The following P2RY6 variants were observed in gnomAD, a reference collection of about 807,000 sequenced individuals.
The protein encoded by P2RY6 is P2Y purinoceptor 6.
P2RY6 carries 19 observed loss-of-function variants against 16.3 expected under a neutral mutation model. The ratio of observed to expected loss-of-function variants is 1.16; its 90% CI spans 0.81 to 1.71. P2RY6 has a LOEUF of 1.71. Among genes scored for constraint, P2RY6 ranks in the 40% most tolerant of loss-of-function variants. The pLI is 0.00. For missense variants in P2RY6, 389 were observed against 455.5 expected, an observed-to-expected ratio of 0.85 and a Z score of 1.33; for synonymous variants, 184 against 201.5, an observed-to-expected ratio of 0.91 and a Z score of 0.74.
At chr11:73,274,534 C>G (rs573361951) in intron 1 of P2RY6, among the ~76,000 whole-genome samples, 1 of 134,036 alleles carries the variant, frequency 7.5e-6, no homozygotes, top group Non-Finnish European at 1.5e-5. Context: ...AAGAGCGAGA[C>G]TGTCTCAAAA....
Position 73,293,348 on chromosome 11 carries a change from G to A in P2RY6, c.-120-2382G>A, listed in dbSNP as rs532949842. ...CAGATAGGACTGGAGGGCTTGGCAGGGGTCTTGAATGTCAGGAAAAGGGTT... is the reference window on the plus strand; with the variant it reads ...CAGATAGGACTGGAGGGCTTGGCAGAGGTCTTGAATGTCAGGAAAAGGGTT... On this transcript the variant is annotated intron_variant, in intron 1 of 2. Coordinates refer to ENST00000540124, the MANE Select transcript of P2RY6 (RefSeq NM_001277204.2). 5.0e-4 allele frequency among the ~76,000 whole-genome samples: 76 copies of A among 152,320 alleles called. No individual in the cohort carries two copies. In the South Asian group the frequency reaches 0.016, roughly 31 times the overall value.
At chr11:73,295,870 C>CAGGGTCTGGGG in intron 2 of P2RY6, 55 bp downstream of exon 2, 2 of 729,430 alleles carry the variant, frequency 2.7e-6, no homozygotes, top group Non-Finnish European at 3.4e-6. Context: ...CTTTTCCGCC[C>CAGGGTCTGGGG]CAGACCCTGG....
chr11:73,294,597 A>G (rs1864400286), intron 1 of P2RY6, among the ~76,000 whole-genome samples: 2 of 152,216 alleles, frequency 1.3e-5, no homozygotes. Context: ...TCCCACAAAG[A>G]ATCTTTGATA....
At chr11:73,290,716 G>A (rs1864208118) in intron 1 of P2RY6, among the ~76,000 whole-genome samples, 1 of 152,268 alleles carries the variant, frequency 6.6e-6, no homozygotes, top group Non-Finnish European at 1.5e-5. Flanking sequence ...CAATGGACAT[G>A]CTTTCTCCAT....
rs567668506 is a variant in P2RY6, at chr11:73,277,366, G to A, written c.-121+4900G>A. ...GCCTCCCAAAGTGCTGGGATTACAG[G>A]CATGAGCTACTGGGCCCAGCTAGAA... On this transcript the variant is annotated intron_variant, in intron 1 of 2. Transcript: ENST00000540124. Among the ~76,000 whole-genome samples the A allele has an allele frequency of 5.4e-5, 7 of 129,840 alleles. No individual in the cohort carries two copies. The East Asian group carries it at 1.4e-3, about 25-fold the overall frequency. 85.2% of individuals were successfully genotyped at this position (129,840 alleles called of 152,430 possible).
At chr11:73,292,263 T>A (rs1435742723) in intron 1 of P2RY6, among the ~76,000 whole-genome samples, 1 of 152,116 alleles carries the variant, frequency 6.6e-6, no homozygotes, top group Non-Finnish European at 1.5e-5. Flanking sequence ...AGGTACTCGA[T>A]AAGTGTGTGT....
chr11:73,280,875 A>G (rs1863732311), intron 1 of P2RY6, among the ~76,000 whole-genome samples: 1 of 152,146 alleles, frequency 6.6e-6, no homozygotes, highest in South Asian at 2.1e-4. Flanking sequence ...CACTGGGAAG[A>G]TATAGAGAGG....
chr11:73,292,020 T>C (rs776241215), intron 1 of P2RY6, among the ~76,000 whole-genome samples: 17 of 152,242 alleles, frequency 1.1e-4, no homozygotes, highest in Non-Finnish European at 2.4e-4. Flanking sequence ...CCTCTGGAGC[T>C]GGCCTCCCTG....
At chr11:73,279,958 G>T (rs555703725) in intron 1 of P2RY6, among the ~76,000 whole-genome samples, 1 of 152,188 alleles carries the variant, frequency 6.6e-6, no homozygotes, top group Non-Finnish European at 1.5e-5. Context: ...TTCCTGTGAG[G>T]GGCCTGGGAG....
chr11:73,295,838 T>C (rs999432861), intron 2 of P2RY6, 23 bp downstream of exon 2: 21 of 955,934 alleles, frequency 2.2e-5, no homozygotes, highest in Non-Finnish European at 2.5e-5. Context: ...TTCGCATTGG[T>C]TAACTAAGAG....
Position 73,297,795 on chromosome 11 carries a change from G to A in P2RY6, c.*290G>A, listed in dbSNP as rs944155715. The A allele has an allele frequency of 1.8e-5, 8 of 451,988 alleles. No homozygotes were observed. In the East Asian group the frequency reaches 2.3e-4, roughly 13 times the overall value. The allele number at this position is 451,988 out of a possible 1,614,324, so 28.0% of individuals were successfully genotyped here. On this transcript the variant is annotated 3_prime_UTR_variant, in exon 3 of 3. Transcript: ENST00000540124. ...GGTGCTCACAAAAATACAGTGTGAC[G>A]TGTACTGTCATCAAGGGGTATGCTC...
intron 1 of P2RY6, among the ~76,000 whole-genome samples, chr11:73,290,421 C>A (rs546630581): frequency 3.3e-5 from 5 of 152,324 alleles, no homozygotes; most frequent in African/African-American, 1.2e-4. Flanking sequence ...CACAGTGGTG[C>A]ATGCCTGTAA....
rs1419746726 is a variant in P2RY6, at chr11:73,297,032, C to T, written c.514C>T (p.Arg172Cys). 1.0e-5 allele frequency: 16 copies of T among 1,600,616 alleles called. No homozygotes were observed. Among genetic ancestry groups the T allele is most frequent in the African/African-American group, 2.7e-5 (2 of 74,948 alleles). The change falls in exon 3 of 3, where the codon CGT becomes TGT. Residue 172 changes from arginine (R) to cysteine (C), a missense_variant. Transcript: ENST00000540124. Reference protein sequence around the residue: ...TAIFAATGIQRNRTVCYDLSP... With the variant: ...TAIFAATGIQCNRTVCYDLSP... ...CATCTTCGCTGCCACAGGCATCCAG[C>T]GTAACCGCACTGTCTGCTATGACCT...
intron 1 of P2RY6, among the ~76,000 whole-genome samples, chr11:73,290,927 C>A (rs1189028003): frequency 6.6e-6 from 1 of 152,218 alleles, no homozygotes; most frequent in Non-Finnish European, 1.5e-5. Context: ...GCTGTGGTTC[C>A]AAGGTCCTGA....
At chr11:73,276,379 C>T (rs1025438042) in intron 1 of P2RY6, among the ~76,000 whole-genome samples, 7 of 152,086 alleles carry the variant, frequency 4.6e-5, no homozygotes, top group East Asian at 1.9e-4. Flanking sequence ...AAGGTGTATA[C>T]GCAAGGAAAT....
At chr11:73,279,693 T>C (rs1863680229) in intron 1 of P2RY6, among the ~76,000 whole-genome samples, 1 of 152,216 alleles carries the variant, frequency 6.6e-6, no homozygotes, top group African/African-American at 2.4e-5. Flanking sequence ...TGAGAGTCTT[T>C]CATGCTGGTT....
intron 1 of P2RY6, chr11:73,292,747 A>C: frequency 1.0e-6 from 1 of 977,656 alleles, no homozygotes; most frequent in Non-Finnish European, 1.2e-6. Flanking sequence ...GGTGGCCCCC[A>C]CAGGGGCTCT....
At chr11:73,268,197 C>G (rs373022809), upstream of P2RY6, among the ~76,000 whole-genome samples, 3 of 152,190 alleles carry the variant, frequency 2.0e-5, no homozygotes. Flanking sequence ...GGCATGTGCT[C>G]CTTACAACTC....
chr11:73,285,602 A>G (rs540171035), intron 1 of P2RY6, among the ~76,000 whole-genome samples: 2 of 152,374 alleles, frequency 1.3e-5, no homozygotes, highest in Admixed American at 1.3e-4. Context: ...TGATTGGAAG[A>G]TCACTGACGG....
Sources: gnomAD v4.1 joint callset for allele counts (sites outside exome capture counted in the v4.1 genomes callset) on GRCh38, gnomAD v4.1.1 for gene constraint, MANE v1.5 for transcripts, NCBI Gene and HGNC (gene_info 2026-07-23, HGNC 2026-07-21) for gene names.